Variants in CXorf58 observed in about 807,000 individuals in gnomAD.
The protein encoded by CXorf58 is chromosome X open reading frame 58.
Under a neutral mutation model 26.0 loss-of-function variants are expected in CXorf58, and 24 were observed. That is an observed-to-expected ratio of 0.92 (90% CI 0.67 to 1.30). The LOEUF is 1.30. CXorf58 is among the 50% of genes most tolerant of loss of function. The pLI is 0.00. For missense variants in CXorf58, 236 were observed against 263.9 expected (o/e 0.89, Z 0.73); for synonymous variants, 87 against 86.1 (o/e 1.01, Z -0.06).
chrX:23,917,742 T>C (rs1475553743), intron 5 of CXorf58, among the ~76,000 whole-genome samples: 2 of 113,074 alleles, frequency 1.8e-5, no homozygotes, highest in East Asian at 5.5e-4. Context: ...TTAAGTTTCA[T>C]GAATATTCAC....
At chrX:23,915,515 A>C (rs1352045705) in intron 3 of CXorf58, among the ~76,000 whole-genome samples, 185 bp from the exon 4 acceptor site, 2 of 112,070 alleles carry the variant, frequency 1.8e-5, no homozygotes, top group African/African-American at 3.2e-5. Context: ...TTGGAGGCCA[A>C]AATGATTAAG....
chrX:23,920,468 C>T (rs1927835054), intron 5 of CXorf58, among the ~76,000 whole-genome samples: 1 of 112,094 alleles, frequency 8.9e-6, no homozygotes, highest in Non-Finnish European at 1.9e-5. Context: ...GAAGACCACA[C>T]AGCCTGGCAG....
chrX:23,925,790 T>A, intron 5 of CXorf58, among the ~76,000 whole-genome samples: 1 of 93,303 alleles, frequency 1.1e-5, no homozygotes, highest in African/African-American at 4.0e-5. Context: ...TCTTTTCTTT[T>A]TTTTTTTTTT....
rs372590192 is a variant in CXorf58, at chrX:23,911,734, A to G, written c.117-23A>G. ...GGAAAATGAAAACTACTTTATAAAT[A>G]TTAACCTCTTTTTTTCTCTCAGAAT... On this transcript the variant is annotated intron_variant, in intron 2 of 8. Coordinates refer to ENST00000379211, the MANE Select transcript of CXorf58 (RefSeq NM_152761.3). 15 of 1,039,553 alleles carry G rather than the reference A, an allele frequency of 1.4e-5. No homozygotes were observed. In the African/African-American group the frequency reaches 2.9e-4, roughly 20 times the overall value. The allele number at this position is 1,039,553 out of a possible 1,213,427, so 85.7% of individuals were successfully genotyped here.
chrX:23,919,404 A>G (rs1416635165), intron 5 of CXorf58, among the ~76,000 whole-genome samples: 1 of 111,892 alleles, frequency 8.9e-6, no homozygotes, highest in Non-Finnish European at 1.9e-5. Flanking sequence ...CAGCTCCAGA[A>G]TTTCTTTCTG....
intron 2 of CXorf58, 107 bp from the exon 3 acceptor site, chrX:23,911,650 G>A (rs1284290234): frequency 2.0e-6 from 1 of 492,235 alleles, no homozygotes; most frequent in Non-Finnish European, 3.5e-6. Flanking sequence ...CAGTCTTAGA[G>A]TGGGGGATGG....
intron 2 of CXorf58, among the ~76,000 whole-genome samples, chrX:23,910,955 G>A (rs1223706240): frequency 2.8e-5 from 3 of 108,821 alleles, no homozygotes; most frequent in Admixed American, 9.9e-5. Flanking sequence ...CAGTAGAGAC[G>A]GGGTTTCACC....
chrX:23,937,293 G>A (rs185780444), intron 7 of CXorf58, among the ~76,000 whole-genome samples: 1 of 111,702 alleles, frequency 9.0e-6, no homozygotes, highest in East Asian at 2.8e-4. Flanking sequence ...AGGGGGCAGG[G>A]GAATTACAGT....
At chrX:23,920,420 C>T (rs1035297874) in intron 5 of CXorf58, among the ~76,000 whole-genome samples, 2 of 111,703 alleles carry the variant, frequency 1.8e-5, no homozygotes, top group African/African-American at 6.5e-5. Context: ...AAACTGTGGC[C>T]CATCTTAAAT....
intron 5 of CXorf58, among the ~76,000 whole-genome samples, chrX:23,921,477 G>A (rs995300454): frequency 9.0e-6 from 1 of 111,445 alleles, no homozygotes; most frequent in African/African-American, 3.3e-5. Flanking sequence ...ACATCATAAC[G>A]GGTTTTAAAT....
chrX:23,926,333 T>C (rs1928012076), intron 5 of CXorf58, among the ~76,000 whole-genome samples: 1 of 111,225 alleles, frequency 9.0e-6, no homozygotes, highest in African/African-American at 3.3e-5. Flanking sequence ...GATTCTTCTG[T>C]CTCTGACCTC....
intron 1 of CXorf58, among the ~76,000 whole-genome samples, chrX:23,909,754 C>G (rs1927522923): frequency 8.9e-6 from 1 of 111,968 alleles, no homozygotes; most frequent in African/African-American, 3.2e-5. Context: ...GAGGTGGAAT[C>G]AGAAATTTAG....
rs747488230 is a variant in CXorf58, at chrX:23,927,246, A to G, written c.431A>G (p.Asp144Gly). 3.6e-5 allele frequency: 42 copies of G among 1,154,734 alleles called. No homozygotes were observed. The highest frequency in any genetic ancestry group is 1.8e-5 in the African/African-American group (1 of 54,947). ...NVLMPSSKAV[D>G]DACKLMGERK... is the part of the protein sequence containing the mutation. The stretch of plus-strand genomic sequence containing the variant: ...TTTCTATTCTTTTTACAGGCAGTGG[A>G]TGATGCTTGCAAACTAATGGGGGAA... Residue 144 changes from aspartate (D) to glycine (G), a missense_variant, in exon 6 of 9, where the codon GAT becomes GGT. By Grantham distance (94) the Asp-to-Gly change is moderately conservative. Transcript: ENST00000379211.
At chrX:23,910,760 CT>C (rs779387168) in intron 2 of CXorf58, among the ~76,000 whole-genome samples, 801 of 51,401 alleles carry the variant, frequency 0.016, 12 homozygotes, top group African/African-American at 0.057. Flanking sequence ...TTTTTCCTTT[CT>C]TTTTTTTTTT....
chrX:23,916,500 TA>T (rs11446281), intron 5 of CXorf58, 172 bp downstream of exon 5: 8,754 of 103,784 alleles, frequency 0.084, 1 homozygote, highest in Non-Finnish European at 0.1. Flanking sequence ...ACTTACTAGC[TA>T]AAAAAAAAAA....
At chrX:23,908,633 G>A (rs1202390286) in intron 1 of CXorf58, among the ~76,000 whole-genome samples, 1 of 112,204 alleles carries the variant, frequency 8.9e-6, no homozygotes, top group African/African-American at 3.2e-5. Context: ...TTTGAAACCT[G>A]TGTTCTAGCC....
At chrX:23,929,916 A>T (rs1417941508) in intron 6 of CXorf58, among the ~76,000 whole-genome samples, 4 of 111,443 alleles carry the variant, frequency 3.6e-5, no homozygotes, top group African/African-American at 9.8e-5. Context: ...TGCTAAATCT[A>T]TCCGGGCGGA....
At chrX:23,930,157 A>G (rs189437170) in intron 6 of CXorf58, among the ~76,000 whole-genome samples, 1,218 of 87,638 alleles carry the variant, frequency 0.014, 36 homozygotes, top group African/African-American at 0.051. Flanking sequence ...AGATTGCACC[A>G]CTGCACTCCA....
At chrX:23,928,267 G>A (rs1416028438) in intron 6 of CXorf58, among the ~76,000 whole-genome samples, 3 of 109,987 alleles carry the variant, frequency 2.7e-5, no homozygotes, top group African/African-American at 6.6e-5. Flanking sequence ...TGCAACCTCT[G>A]CCTCTTGGGT....
Sources: allele counts gnomAD v4.1 joint callset (sites outside exome capture counted in the v4.1 genomes callset), GRCh38; gene constraint gnomAD v4.1.1; transcripts MANE v1.5; gene names NCBI Gene and HGNC (gene_info 2026-07-23, HGNC 2026-07-21).